The following SBF2 variants were observed in gnomAD, a reference collection of about 807,000 sequenced individuals.
The protein encoded by SBF2 is SET binding factor 2.
Under a neutral mutation model 225.2 loss-of-function variants are expected in SBF2, and 112 were observed. That is an observed-to-expected ratio of 0.50 (90% CI 0.43 to 0.58). SBF2 has a LOEUF of 0.58. Ranked by LOEUF, SBF2 falls within the 20% of genes least tolerant of loss-of-function variation. The pLI is 0.00. For synonymous variants in SBF2, 763 were observed against 773.3 expected, an observed-to-expected ratio of 0.99 and a Z score of 0.22; for missense variants, 1,996 against 2,206.2, an observed-to-expected ratio of 0.90 and a Z score of 1.91.
chr11:9,848,134 A>T (rs1285425819), intron 22 of SBF2, among the ~76,000 whole-genome samples: 1 of 152,150 alleles, frequency 6.6e-6, no homozygotes, highest in Non-Finnish European at 1.5e-5. Context: ...CTTATTTAAC[A>T]GCTCATACAT....
chr11:9,852,233 G>A (rs1857010458), intron 21 of SBF2, among the ~76,000 whole-genome samples: 1 of 152,138 alleles, frequency 6.6e-6, no homozygotes, highest in Non-Finnish European at 1.5e-5. Flanking sequence ...GGAGGCTGGG[G>A]TTGGGTCCAG....
chr11:9,967,018 T>C (rs4910087), intron 14 of SBF2, among the ~76,000 whole-genome samples: 50,539 of 152,082 alleles, frequency 0.33, 9,574 homozygotes, highest in Non-Finnish European at 0.43. Context: ...TATCCATCAA[T>C]TGATGGATAA....
intron 16 of SBF2, among the ~76,000 whole-genome samples, chr11:9,905,136 A>T (rs2134165785): frequency 6.6e-6 from 1 of 152,352 alleles, no homozygotes; most frequent in South Asian, 2.1e-4. Flanking sequence ...TGCATGTAAA[A>T]TACTTAAAAT....
intron 20 of SBF2, 46 bp from the exon 21 acceptor site, chr11:9,852,795 G>T (rs781331296): frequency 1.5e-6 from 2 of 1,366,126 alleles, no homozygotes; most frequent in Non-Finnish European, 1.0e-6. Flanking sequence ...CAGACAAGCA[G>T]GATAAAAACA....
rs184006603 is a variant in SBF2 at position 10,010,327 on chromosome 11, A to G, written c.620-7638T>C. On this transcript the variant is annotated intron_variant, in intron 6 of 39. Transcript: ENST00000256190. The stretch of plus-strand genomic sequence containing the variant: ...ATGAAGTCTTTGCCCATGCCTATGT[A>G]TTGGTATTGCCTAGATCTTCTTCTA... 5.0e-3 allele frequency among the ~76,000 whole-genome samples: 755 copies of G among 151,974 alleles called. 6 individuals carry two copies. Among genetic ancestry groups the G allele is most frequent in the African/African-American group, 0.017 (718 of 41,506 alleles).
At chr11:10,033,873 T>C (rs1949347941) in intron 3 of SBF2, among the ~76,000 whole-genome samples, 1 of 152,136 alleles carries the variant, frequency 6.6e-6, no homozygotes, top group African/African-American at 2.4e-5. Context: ...TTGGTGTGTG[T>C]TTTACAATGA....
chr11:9,937,194 T>C (rs570151392), intron 16 of SBF2, among the ~76,000 whole-genome samples: 5 of 152,192 alleles, frequency 3.3e-5, no homozygotes, highest in African/African-American at 1.2e-4. Flanking sequence ...CAGCACAATA[T>C]ATGCAAATAC....
chr11:10,140,828 A>G (rs1288959660), intron 2 of SBF2, among the ~76,000 whole-genome samples: 1 of 151,190 alleles, frequency 6.6e-6, no homozygotes, highest in East Asian at 2.0e-4. Flanking sequence ...ACTGTAATAC[A>G]CCCAGTTGGT....
At position 10,288,036 on chromosome 11, in the gene SBF2, G is replaced by A. The variant is rs116584952; in HGVS notation, c.55+5979C>T. On this transcript the variant is annotated intron_variant, in intron 1 of 39. Coordinates refer to ENST00000256190, the MANE Select transcript of SBF2 (RefSeq NM_030962.4). ...TGCACCACAAACAGCTTCCCCGGCC[G>A]GCACCGGGGAATGTAGTGGCACTCA... Among the ~76,000 whole-genome samples, 144 of 152,282 alleles carry A rather than the reference G, an allele frequency of 9.5e-4. 1 individual carries two copies. The highest frequency in any genetic ancestry group is 3.2e-3 in the African/African-American group (135 of 41,562).
At chr11:10,061,504 A>C (rs1406262377) in intron 2 of SBF2, among the ~76,000 whole-genome samples, 1 of 152,250 alleles carries the variant, frequency 6.6e-6, no homozygotes, top group Non-Finnish European at 1.5e-5. Context: ...GCAGGATACA[A>C]AATCAATATA....
At chr11:9,924,007 T>C (rs1863834483) in intron 16 of SBF2, among the ~76,000 whole-genome samples, 1 of 152,168 alleles carries the variant, frequency 6.6e-6, no homozygotes, top group Non-Finnish European at 1.5e-5. Flanking sequence ...CATCCACCAC[T>C]ACTTCAGGGG....
intron 1 of SBF2, among the ~76,000 whole-genome samples, chr11:10,209,791 A>G (rs1957868706): frequency 6.6e-6 from 1 of 152,122 alleles, no homozygotes; most frequent in Non-Finnish European, 1.5e-5. Flanking sequence ...CAGAAAACCT[A>G]AAACATTAAT....
chr11:10,233,829 C>T (rs1565384060), intron 1 of SBF2, among the ~76,000 whole-genome samples: 1 of 152,190 alleles, frequency 6.6e-6, no homozygotes. Flanking sequence ...CTGGTCATTT[C>T]TGCCTAACAT....
At chr11:10,116,065 A>C (rs559078106) in intron 2 of SBF2, among the ~76,000 whole-genome samples, 1 of 152,266 alleles carries the variant, frequency 6.6e-6, no homozygotes, top group Non-Finnish European at 1.5e-5. Context: ...GCTACTCGGG[A>C]GGCTGAGGCA....
chr11:9,821,751 A>G (rs565238500), intron 28 of SBF2, among the ~76,000 whole-genome samples: 24 of 152,288 alleles, frequency 1.6e-4, no homozygotes, highest in African/African-American at 4.3e-4. Flanking sequence ...ACGGATGAAT[A>G]TTGTTTCACA....
At chr11:10,128,939 T>A (rs561042881) in intron 2 of SBF2, among the ~76,000 whole-genome samples, 17 of 152,272 alleles carry the variant, frequency 1.1e-4, no homozygotes, top group Admixed American at 1.1e-3. Context: ...CAGGAATTCC[T>A]TTCCACCTGC....
intron 32 of SBF2, among the ~76,000 whole-genome samples, chr11:9,804,873 C>T (rs1853706823): frequency 6.6e-6 from 1 of 152,154 alleles, no homozygotes; most frequent in South Asian, 2.1e-4. Flanking sequence ...GTTTTTCATG[C>T]TACCCCTTTA....
chr11:10,020,905 T>A (rs1245912947), intron 6 of SBF2, among the ~76,000 whole-genome samples: 1 of 151,848 alleles, frequency 6.6e-6, no homozygotes, highest in Admixed American at 6.6e-5. Flanking sequence ...AAAACTTTTT[T>A]AAGAACTTTA....
chr11:9,978,972 C>T (rs965220051), intron 13 of SBF2, among the ~76,000 whole-genome samples: 3 of 152,206 alleles, frequency 2.0e-5, no homozygotes, highest in African/African-American at 7.2e-5. Flanking sequence ...GCACTCCAGC[C>T]TGGGCAACAG....
Sources: gnomAD v4.1 joint callset for allele counts (sites outside exome capture counted in the v4.1 genomes callset) on GRCh38, gnomAD v4.1.1 for gene constraint, MANE v1.5 for transcripts, NCBI Gene and HGNC (gene_info 2026-07-23, HGNC 2026-07-21) for gene names.